Variants in DTWD2 observed in about 807,000 individuals in gnomAD.
DTWD2 encodes tRNA-uridine aminocarboxypropyltransferase 2.
DTWD2 carries 39 observed loss-of-function variants against 31.8 expected under a neutral mutation model. The observed-to-expected ratio is 1.22, with a 90% CI of 0.95 to 1.60. The LOEUF (loss-of-function observed/expected upper bound fraction) is 1.60, where lower values mean the gene tolerates loss of function less well. Ranked by LOEUF, DTWD2 falls within the 40% of genes most tolerant of loss-of-function variation. The pLI is 0.00. For synonymous variants in DTWD2, 180 were observed against 142.8 expected (o/e 1.26, Z -1.86); for missense variants, 515 against 381.5 (o/e 1.35, Z -2.92).
Position 118,836,144 on chromosome 5 carries a change from T to A in DTWD2, c.*4773A>T, listed in dbSNP as rs1751556575. On this transcript the variant is annotated 3_prime_UTR_variant, in exon 6 of 6. Coordinates refer to ENST00000510708, the MANE Select transcript of DTWD2 (RefSeq NM_173666.4). ...AATAACAGTAAGACATATAGTAAAA[T>A]TTCTTATTCGAATAATTTTTTTAAA... Among the ~76,000 whole-genome samples the A allele has an allele frequency of 6.6e-6, 1 of 152,188 alleles. No homozygotes were observed. Among genetic ancestry groups the A allele is most frequent in the Non-Finnish European group, 1.5e-5 (1 of 68,028 alleles).
chr5:118,912,166 A>G (rs542083124), intron 4 of DTWD2, among the ~76,000 whole-genome samples: 1 of 152,330 alleles, frequency 6.6e-6, no homozygotes, highest in East Asian at 1.9e-4. Flanking sequence ...CACTCTGATT[A>G]AATGTAATTG....
intron 1 of DTWD2, among the ~76,000 whole-genome samples, chr5:118,951,335 T>C (rs972624655): frequency 1.2e-4 from 18 of 151,978 alleles, no homozygotes; most frequent in African/African-American, 2.7e-4. Flanking sequence ...TATAGGTCTG[T>C]AGAAAAGGAG....
At chr5:118,890,969 A>G (rs965308738) in intron 4 of DTWD2, among the ~76,000 whole-genome samples, 44 of 151,470 alleles carry the variant, frequency 2.9e-4, no homozygotes, top group African/African-American at 9.7e-4. Flanking sequence ...GTAAGCAGAT[A>G]GAAGAATAGA....
At chr5:118,858,224 T>C (rs959534452) in intron 4 of DTWD2, among the ~76,000 whole-genome samples, 1 of 152,146 alleles carries the variant, frequency 6.6e-6, no homozygotes. Context: ...TTTGCAATAC[T>C]TCAAAATGAG....
At chr5:118,892,739 C>A (rs1271191720) in intron 4 of DTWD2, among the ~76,000 whole-genome samples, 1 of 151,834 alleles carries the variant, frequency 6.6e-6, no homozygotes, top group East Asian at 1.9e-4. Context: ...TAGTATTTAA[C>A]AAAACTACAT....
rs1447973121 is a variant in DTWD2 at position 118,851,682 on chromosome 5, C to A, written c.598-3464G>T. 5.4e-5 allele frequency among the ~76,000 whole-genome samples: 6 copies of A among 111,830 alleles called. 1 individual carries two copies. The highest frequency in any genetic ancestry group is 2.2e-4 in the African/African-American group (6 of 27,332). 73.4% of individuals were successfully genotyped at this position (111,830 alleles called of 152,430 possible). A position where few individuals can be genotyped will look rare whatever the true frequency, so the allele number is the denominator to read the frequency against. On this transcript the variant is annotated intron_variant, in intron 4 of 5. Coordinates refer to ENST00000510708, the MANE Select transcript of DTWD2 (RefSeq NM_173666.4). Reference sequence around the variant, plus strand: ...GGAAGGGGAACATCACACACCGGGGCCTGTTGTGGGGTGGGGGGAGGGGGG... The same window carrying A: ...GGAAGGGGAACATCACACACCGGGGACTGTTGTGGGGTGGGGGGAGGGGGG...
At chr5:118,981,833 C>A (rs79021653) in intron 1 of DTWD2, among the ~76,000 whole-genome samples, 6 of 152,086 alleles carry the variant, frequency 3.9e-5, no homozygotes, top group Non-Finnish European at 8.8e-5. Flanking sequence ...ATTAAAAATA[C>A]CCATGGCCAA....
Position 118,988,464 on chromosome 5 carries a change from C to T in DTWD2, c.48G>A (p.Arg16=). The change falls in exon 1 of 6, where the codon CGG becomes CGA. Residue 16 remains arginine (R), a synonymous_variant. Coordinates refer to ENST00000510708, the MANE Select transcript of DTWD2 (RefSeq NM_173666.4). Reference sequence around the variant, plus strand: ...TCTGAGAGCTTGAGGCCCCAGAAGGCCGCGCAACGGGCTCCTGGAGTGTTC... The same window carrying T: ...TCTGAGAGCTTGAGGCCCCAGAAGGTCGCGCAACGGGCTCCTGGAGTGTTC... ...EARTLQEPVA[R]PSGASSSQTP... is the part of the protein sequence containing the mutation. 2 of 1,605,684 alleles carry T rather than the reference C, an allele frequency of 1.2e-6. No individual in the cohort carries two copies. The highest frequency in any genetic ancestry group is 8.5e-7 in the Non-Finnish European group (1 of 1,177,694).
At chr5:118,906,362 A>C (rs1237650169) in intron 4 of DTWD2, among the ~76,000 whole-genome samples, 4 of 152,206 alleles carry the variant, frequency 2.6e-5, no homozygotes, top group Non-Finnish European at 5.9e-5. Context: ...TCCATAAAAA[A>C]AGAAAGCATG....
intron 3 of DTWD2, among the ~76,000 whole-genome samples, chr5:118,937,257 C>T (rs978645680): frequency 5.9e-5 from 9 of 151,834 alleles, no homozygotes; most frequent in African/African-American, 1.9e-4. Context: ...CAACAAACAC[C>T]CATTCATAAT....
At chr5:118,950,891 T>C (rs1754448729) in intron 1 of DTWD2, among the ~76,000 whole-genome samples, 1 of 152,138 alleles carries the variant, frequency 6.6e-6, no homozygotes, top group African/African-American at 2.4e-5. Flanking sequence ...AGGGCTGGAA[T>C]TTAAGTTTTG....
At chr5:118,965,462 T>TG (rs55657929) in intron 1 of DTWD2, among the ~76,000 whole-genome samples, 152,314 of 152,330 alleles carry the variant, frequency 1, 76,149 homozygotes, top group Middle Eastern at 1. Context: ...ATGATGATGA[T>TG]GCGGTTTTGT....
intron 4 of DTWD2, among the ~76,000 whole-genome samples, chr5:118,924,367 C>T (rs1753766127): frequency 6.6e-6 from 1 of 152,176 alleles, no homozygotes; most frequent in Non-Finnish European, 1.5e-5. Flanking sequence ...CCAGCAAAGC[C>T]TGAAGCCTCT....
chr5:118,910,075 A>G (rs1481345969), intron 4 of DTWD2, among the ~76,000 whole-genome samples: 1 of 152,144 alleles, frequency 6.6e-6, no homozygotes, highest in African/African-American at 2.4e-5. Context: ...ACATGTGAAC[A>G]TTCATTTAGC....
chr5:118,967,458 T>C (rs977973872), intron 1 of DTWD2, among the ~76,000 whole-genome samples: 29 of 152,180 alleles, frequency 1.9e-4, no homozygotes, highest in Non-Finnish European at 4.3e-4. Context: ...AGTGGTTGAT[T>C]CTAGGGCTGG....
intron 4 of DTWD2, among the ~76,000 whole-genome samples, chr5:118,854,815 T>C (rs921906686): frequency 5.9e-5 from 9 of 152,212 alleles, no homozygotes; most frequent in Non-Finnish European, 1.2e-4. Context: ...ACATTCTATA[T>C]AAAGTTATAC....
chr5:118,940,021 T>C (rs1277821333), intron 2 of DTWD2, among the ~76,000 whole-genome samples: 1 of 152,210 alleles, frequency 6.6e-6, no homozygotes, highest in Non-Finnish European at 1.5e-5. Context: ...TGGAACTTAA[T>C]CTCTTCCTCC....
intron 1 of DTWD2, among the ~76,000 whole-genome samples, chr5:118,981,938 G>C (rs2149604253): frequency 6.6e-6 from 1 of 152,226 alleles, no homozygotes; most frequent in African/African-American, 2.4e-5. Context: ...CAGTCATACT[G>C]TTCATTATTA....
chr5:118,876,476 A>G lies in DTWD2; in HGVS notation c.598-28258T>C, dbSNP rs573554077. On this transcript the variant is annotated intron_variant, in intron 4 of 5. Coordinates refer to ENST00000510708, the MANE Select transcript of DTWD2 (RefSeq NM_173666.4). Reference sequence around the variant, plus strand: ...TTTTGAAAAAATTTAAAAAAAGAATAGACCACTAGCTAGACTTATAAACAA... The same window carrying G: ...TTTTGAAAAAATTTAAAAAAAGAATGGACCACTAGCTAGACTTATAAACAA... Among the ~76,000 whole-genome samples, 4 of 152,260 alleles carry G rather than the reference A, an allele frequency of 2.6e-5. 1 individual carries two copies. The South Asian group carries it at 8.3e-4, about 32-fold the overall frequency.
Sources: gnomAD v4.1 joint callset for allele counts (sites outside exome capture counted in the v4.1 genomes callset) on GRCh38, gnomAD v4.1.1 for gene constraint, MANE v1.5 for transcripts, NCBI Gene and HGNC (gene_info 2026-07-23, HGNC 2026-07-21) for gene names.